DMD: variants seen among roughly 807,000 people sequenced by gnomAD.
The protein encoded by DMD is mutant dystrophin.
DMD carries 63 observed loss-of-function variants against 330.1 expected under a neutral mutation model. The ratio of observed to expected loss-of-function variants is 0.19; its 90% CI spans 0.16 to 0.24. The LOEUF (loss-of-function observed/expected upper bound fraction) is 0.24. DMD is among the 10% of genes least tolerant of loss of function. The probability of loss-of-function intolerance (pLI) is 1.00; values close to 1 mark genes in which losing one functional copy is unlikely to be tolerated. For synonymous variants in DMD, 1,223 were observed against 959.8 expected, an observed-to-expected ratio of 1.27 and a Z score of -5.07; for missense variants, 3,344 against 2,684.1, an observed-to-expected ratio of 1.25 and a Z score of -5.43.
chrX:32,685,612 T>A (rs1438690437), intron 9 of DMD, among the ~76,000 whole-genome samples: 1 of 111,832 alleles, frequency 8.9e-6, no homozygotes, highest in Non-Finnish European at 1.9e-5. Flanking sequence ...TACATACCTC[T>A]CATCATTGGC....
chrX:32,309,620 A>G (rs1171668113), intron 42 of DMD, among the ~76,000 whole-genome samples: 5 of 111,340 alleles, frequency 4.5e-5, no homozygotes, highest in Non-Finnish European at 7.6e-5. Flanking sequence ...ATTTTATTCC[A>G]TATGTTATAG....
At chrX:31,748,168 C>T (rs1043287735) in intron 51 of DMD, among the ~76,000 whole-genome samples, 1 of 111,870 alleles carries the variant, frequency 8.9e-6, no homozygotes, top group African/African-American at 3.3e-5. Context: ...AGATAGTAGA[C>T]AGAATAGGTG....
At chrX:32,981,742 C>T (rs1447404474) in intron 2 of DMD, among the ~76,000 whole-genome samples, 1 of 111,173 alleles carries the variant, frequency 9.0e-6, no homozygotes, top group Non-Finnish European at 1.9e-5. Context: ...ATTAATATCT[C>T]AATAACTCTA....
intron 13 of DMD, 143 bp downstream of exon 13, chrX:32,595,614 C>T: frequency 1.8e-6 from 1 of 560,039 alleles, no homozygotes; most frequent in Non-Finnish European, 2.9e-6. Context: ...AGCACTTCAG[C>T]TGATTATGAG....
chrX:32,735,938 C>T (rs778571260), intron 7 of DMD, among the ~76,000 whole-genome samples: 1 of 111,864 alleles, frequency 8.9e-6, no homozygotes, highest in African/African-American at 3.3e-5. Context: ...AACTAAAGAG[C>T]TTCTGCACAA....
chrX:32,378,740 G>A (rs903884780), intron 34 of DMD, among the ~76,000 whole-genome samples: 2 of 109,873 alleles, frequency 1.8e-5, no homozygotes, highest in African/African-American at 6.6e-5. Context: ...TGGAATGATC[G>A]GCAACTACAT....
intron 41 of DMD, among the ~76,000 whole-genome samples, chrX:32,341,128 C>G (rs995458513): frequency 8.9e-6 from 1 of 111,747 alleles, no homozygotes; most frequent in African/African-American, 3.3e-5. Context: ...CCCAAGAAGT[C>G]TCATACATGG....
chrX:32,763,438 G>C (rs73209896), intron 7 of DMD, among the ~76,000 whole-genome samples: 5,600 of 111,524 alleles, frequency 0.05, 248 homozygotes, highest in African/African-American at 0.15. Flanking sequence ...ACTGTAGATA[G>C]TGTCAGAGAT....
chrX:33,005,671 A>G (rs2093381075), intron 2 of DMD, among the ~76,000 whole-genome samples: 1 of 110,731 alleles, frequency 9.0e-6, no homozygotes, highest in South Asian at 3.7e-4. Context: ...TAGTGGTGAG[A>G]AAATGAAAAC....
At chrX:31,674,387 T>C (rs2081968404) in intron 53 of DMD, among the ~76,000 whole-genome samples, 1 of 112,575 alleles carries the variant, frequency 8.9e-6, no homozygotes, top group Admixed American at 9.4e-5. Context: ...TCAAGTTTCC[T>C]AAAGAATGCC....
chrX:32,735,002 A>T (rs1007458160), intron 7 of DMD, among the ~76,000 whole-genome samples: 1 of 111,088 alleles, frequency 9.0e-6, no homozygotes, highest in Non-Finnish European at 1.9e-5. Context: ...ACATGATTGT[A>T]TATCTAGAAA....
chrX:33,164,493 T>C lies in DMD; in HGVS notation c.31+46789A>G, dbSNP rs571991752. ...ATGGTAAAATCTAATATTGCAATAG[T>C]CCGTAAACTTCCGGGCTTACTTTCT... On this transcript the variant is annotated intron_variant, in intron 1 of 78. Transcript: ENST00000357033. Among the ~76,000 whole-genome samples the C allele has an allele frequency of 2.7e-5, 3 of 111,960 alleles. No individual in the cohort carries two copies. The South Asian group carries it at 1.1e-3, about 42-fold the overall frequency.
chrX:32,612,754 A>G (rs148325214), intron 12 of DMD, among the ~76,000 whole-genome samples: 2,318 of 111,329 alleles, frequency 0.021, 27 homozygotes, highest in Non-Finnish European at 0.032. Flanking sequence ...CAATTTCTAC[A>G]TAATTGCAAT....
intron 9 of DMD, among the ~76,000 whole-genome samples, chrX:32,656,076 A>T (rs755598819): frequency 1.8e-5 from 2 of 111,819 alleles, no homozygotes; most frequent in East Asian, 5.6e-4. Context: ...TAGTATTAGA[A>T]AGTTTAGGGG....
intron 45 of DMD, among the ~76,000 whole-genome samples, chrX:31,950,368 G>A (rs991298492): frequency 1.8e-5 from 2 of 111,216 alleles, no homozygotes; most frequent in Non-Finnish European, 3.8e-5. Flanking sequence ...ATGAATTCAA[G>A]CCTGTTGAGT....
At chrX:33,295,830 T>C (rs1173232653) in intron 1 of DMD, among the ~76,000 whole-genome samples, 1 of 111,279 alleles carries the variant, frequency 9.0e-6, no homozygotes, top group African/African-American at 3.3e-5. Flanking sequence ...TTCTGTGCTA[T>C]CTAGATAAAA....
At chrX:32,867,725 C>CA (rs1330408115) in intron 2 of DMD, among the ~76,000 whole-genome samples, 1 of 111,508 alleles carries the variant, frequency 9.0e-6, no homozygotes, top group Non-Finnish European at 1.9e-5. Flanking sequence ...ATATCATTAT[C>CA]AGCTTGAAAA....
At chrX:32,925,250 G>A (rs1456794578) in intron 2 of DMD, among the ~76,000 whole-genome samples, 2 of 100,034 alleles carry the variant, frequency 2.0e-5, no homozygotes, top group African/African-American at 7.4e-5. Flanking sequence ...CTCAGTATGT[G>A]ACCTGCTGGA....
intron 1 of DMD, among the ~76,000 whole-genome samples, chrX:33,068,880 G>A (rs1019685984): frequency 8.9e-6 from 1 of 112,261 alleles, no homozygotes; most frequent in South Asian, 3.7e-4. Flanking sequence ...GTACCATCTT[G>A]ATCAGTGAAG....
Sources: allele counts gnomAD v4.1 joint callset (sites outside exome capture counted in the v4.1 genomes callset), GRCh38; gene constraint gnomAD v4.1.1; transcripts MANE v1.5; gene names NCBI Gene and HGNC (gene_info 2026-07-23, HGNC 2026-07-21).